The following PALS1 variants were observed in gnomAD, a reference collection of about 807,000 sequenced individuals.
PALS1 encodes the protein protein associated with LIN7 1, MAGUK p55 family member.
A neutral mutation model predicts 78.9 loss-of-function variants in PALS1; 31 were observed. The ratio of observed to expected loss-of-function variants is 0.39; its 90% confidence interval spans 0.30 to 0.53. The LOEUF (loss-of-function observed/expected upper bound fraction) is 0.53, where lower values mean the gene tolerates loss of function less well. Among genes scored for constraint, PALS1 ranks in the 20% least tolerant of loss-of-function variants. The probability of loss-of-function intolerance (pLI) is 0.67; values close to 1 mark genes in which losing one functional copy is unlikely to be tolerated. For synonymous variants in PALS1, 276 were observed against 270.9 expected (o/e 1.02, Z -0.18); for missense variants, 704 against 826.5 (o/e 0.85, Z 1.82).
intron 3 of PALS1, among the ~76,000 whole-genome samples, chr14:67,291,933 G>A (rs1345094737): frequency 6.6e-6 from 1 of 152,064 alleles, no homozygotes; most frequent in Non-Finnish European, 1.5e-5. Context: ...CTATTTCTGG[G>A]ACTTACCTTA....
At chr14:67,284,634 T>C (rs2084657007) in intron 3 of PALS1, among the ~76,000 whole-genome samples, 1 of 142,570 alleles carries the variant, frequency 7.0e-6, no homozygotes, top group Non-Finnish European at 1.5e-5. Context: ...TATGTACCCA[T>C]TAATGGTCAC....
intron 3 of PALS1, among the ~76,000 whole-genome samples, chr14:67,280,853 T>TCCTTCCTTCCCTCCTTCCC (rs1555520241): frequency 6.7e-4 from 52 of 77,580 alleles, no homozygotes; most frequent in Admixed American, 2.2e-3. Flanking sequence ...CCTTCCTTCC[T>TCCTTCCTTCCCTCCTTCCC]TCCCTCCCTC....
At chr14:67,276,166 T>G (rs2084500344) in intron 2 of PALS1, among the ~76,000 whole-genome samples, 1 of 150,854 alleles carries the variant, frequency 6.6e-6, no homozygotes. Flanking sequence ...ATCCTCTGCT[T>G]AAAATGTTTT....
intron 14 of PALS1, among the ~76,000 whole-genome samples, chr14:67,327,045 T>G (rs559140491): frequency 1.3e-5 from 2 of 152,128 alleles, no homozygotes; most frequent in African/African-American, 4.8e-5. Flanking sequence ...TGTGGTGGCA[T>G]GCACCTGTAA....
At position 67,332,800 on chromosome 14, in the gene PALS1, C is replaced by G; in HGVS notation, c.1872C>G (p.Ile624Met). 3 of 1,611,314 alleles carry G rather than the reference C, an allele frequency of 1.9e-6. No homozygotes were observed. Among genetic ancestry groups the G allele is most frequent in the East Asian group, 2.2e-5 (1 of 44,792 alleles). ...TGCAGCCTGAAGAGTTGAGAGAAATCATTGAGAAGACAAGAGAGATGGAGC... is the reference window on the plus strand; with the variant it reads ...TGCAGCCTGAAGAGTTGAGAGAAATGATTGAGAAGACAAGAGAGATGGAGC... ...KNPKPEELRE[I>M]IEKTREMEQN... Residue 624 changes from isoleucine (I) to methionine (M), a missense_variant, in exon 15 of 15, where the codon ATC (isoleucine) becomes ATG (methionine). Physicochemically the swap from Ile to Met is conservative, Grantham distance 10. Transcript: ENST00000261681.
intron 14 of PALS1, among the ~76,000 whole-genome samples, chr14:67,325,253 CTCTTCA>C (rs1375484489): frequency 1.3e-5 from 2 of 152,070 alleles, no homozygotes; most frequent in African/African-American, 2.4e-5. Flanking sequence ...CTTCCTCTTC[CTCTTCA>C]CCCTCCAAAA....
At chr14:67,256,290 T>C (rs900438488) in intron 1 of PALS1, among the ~76,000 whole-genome samples, 4 of 152,334 alleles carry the variant, frequency 2.6e-5, no homozygotes, top group Admixed American at 6.5e-5. Context: ...AGATAAACAC[T>C]GTTCTGAAGC....
At chr14:67,297,108 A>G (rs2084866905) in intron 4 of PALS1, among the ~76,000 whole-genome samples, 1 of 152,362 alleles carries the variant, frequency 6.6e-6, no homozygotes, top group Middle Eastern at 3.4e-3. Context: ...TGGGGGAAAA[A>G]AAGAAAAATA....
chr14:67,300,519 T>C (rs145928882), intron 4 of PALS1, among the ~76,000 whole-genome samples: 171 of 152,078 alleles, frequency 1.1e-3, no homozygotes, highest in African/African-American at 3.8e-3. Context: ...GTAGAGACAG[T>C]ATTTTGCCAT....
chr14:67,266,230 C>T (rs9743911), intron 1 of PALS1, among the ~76,000 whole-genome samples: 23,560 of 152,108 alleles, frequency 0.15, 3,440 homozygotes, highest in East Asian at 0.42. Context: ...TGTAAGAACT[C>T]GTTTTTTAGT....
intron 1 of PALS1, among the ~76,000 whole-genome samples, chr14:67,257,027 C>T (rs759018154): frequency 2.6e-5 from 4 of 151,946 alleles, no homozygotes; most frequent in Non-Finnish European, 5.9e-5. Context: ...TTTTTAAATA[C>T]GTTTTAGGGA....
intron 1 of PALS1, among the ~76,000 whole-genome samples, chr14:67,255,133 G>A (rs543867397): frequency 6.6e-6 from 1 of 152,134 alleles, no homozygotes; most frequent in East Asian, 1.9e-4. Context: ...TGGCAACAGA[G>A]CGAGACTCCA....
At chr14:67,256,672 C>T (rs1401800152) in intron 1 of PALS1, among the ~76,000 whole-genome samples, 1 of 152,000 alleles carries the variant, frequency 6.6e-6, no homozygotes, top group Admixed American at 6.6e-5. Flanking sequence ...CTCAGCCTCC[C>T]AAGTAGCTGG....
chr14:67,276,962 T>C (rs2084515979), intron 2 of PALS1, among the ~76,000 whole-genome samples: 1 of 152,218 alleles, frequency 6.6e-6, no homozygotes, highest in Non-Finnish European at 1.5e-5. Flanking sequence ...CATTTAATAT[T>C]AAATTTGATT....
At chr14:67,317,268 G>A in intron 10 of PALS1, 140 bp from the exon 11 acceptor site, 2 of 670,538 alleles carry the variant, frequency 3.0e-6, no homozygotes, top group Non-Finnish European at 4.9e-6. Context: ...TTCAAGACAA[G>A]CGTGGCCAAC....
intron 3 of PALS1, among the ~76,000 whole-genome samples, chr14:67,282,749 C>T (rs1174235283): frequency 6.6e-6 from 1 of 152,070 alleles, no homozygotes; most frequent in African/African-American, 2.4e-5. Flanking sequence ...TTAAAGCTTG[C>T]TTTGTTACAA....
chr14:67,291,659 G>A (rs1229067061), intron 3 of PALS1, among the ~76,000 whole-genome samples: 1 of 152,158 alleles, frequency 6.6e-6, no homozygotes, highest in African/African-American at 2.4e-5. Flanking sequence ...CTAACAGGCA[G>A]ACACAATGCA....
At chr14:67,311,204 G>A (rs1338452635) in intron 8 of PALS1, among the ~76,000 whole-genome samples, 1 of 151,788 alleles carries the variant, frequency 6.6e-6, no homozygotes, top group Non-Finnish European at 1.5e-5. Context: ...CCAGCTACTC[G>A]GGAGGCTCAG....
At chr14:67,278,995 T>C in intron 2 of PALS1, 23 bp from the exon 3 acceptor site, 3 of 569,624 alleles carry the variant, frequency 5.3e-6, no homozygotes, top group Non-Finnish European at 8.5e-6. Flanking sequence ...TTACACTTTT[T>C]TCCCCCCCAT....
Sources: gnomAD v4.1 joint callset for allele counts (sites outside exome capture counted in the v4.1 genomes callset) on GRCh38, gnomAD v4.1.1 for gene constraint, MANE v1.5 for transcripts, NCBI Gene and HGNC (gene_info 2026-07-23, HGNC 2026-07-21) for gene names.